The following IDO2 variants were observed in gnomAD, a reference collection of about 807,000 sequenced individuals.
IDO2 encodes indoleamine 2,3-dioxygenase 2.
A neutral mutation model predicts 45.1 loss-of-function variants in IDO2; 46 were observed. The observed-to-expected ratio is 1.02, with a 90% CI of 0.80 to 1.30. The LOEUF (loss-of-function observed/expected upper bound fraction) is 1.30, where lower values mean the gene tolerates loss of function less well. Among genes scored for constraint, IDO2 ranks in the 50% most tolerant of loss-of-function variants. IDO2 has a pLI of 0.00. For missense variants in IDO2, 544 were observed against 491.8 expected, an observed-to-expected ratio of 1.11 and a Z score of -1.00; for synonymous variants, 218 against 184.9, an observed-to-expected ratio of 1.18 and a Z score of -1.45.
At chr8:39,956,415 T>C (rs1807902870) in intron 2 of IDO2, among the ~76,000 whole-genome samples, 1 of 152,220 alleles carries the variant, frequency 6.6e-6, no homozygotes. Context: ...ATCTATCCGT[T>C]GATATAGCAT....
At chr8:39,978,922 G>T in intron 3 of IDO2, 145 bp from the exon 4 acceptor site, 1 of 707,348 alleles carries the variant, frequency 1.4e-6, no homozygotes, top group Non-Finnish European at 2.3e-6. Flanking sequence ...ATGGGTGTGT[G>T]TGCGGGCTCT....
chr8:39,944,607 A>G (rs1807704205), intron 1 of IDO2, among the ~76,000 whole-genome samples: 1 of 152,172 alleles, frequency 6.6e-6, no homozygotes, highest in Non-Finnish European at 1.5e-5. Context: ...AATTCACAGG[A>G]ATTCGTCTGA....
chr8:39,943,803 G>A (rs994711282), intron 1 of IDO2, among the ~76,000 whole-genome samples: 8 of 150,026 alleles, frequency 5.3e-5, no homozygotes, highest in Non-Finnish European at 1.2e-4. Context: ...ACAGTTGAAT[G>A]CTTTCGTCTA....
chr8:39,972,895 A>G (rs1479279380), intron 3 of IDO2, among the ~76,000 whole-genome samples: 2 of 152,220 alleles, frequency 1.3e-5, no homozygotes, highest in Admixed American at 6.5e-5. Flanking sequence ...ATTAAGGTAT[A>G]AAGTACTTTA....
chr8:39,978,087 T>G (rs1808288559), intron 3 of IDO2, among the ~76,000 whole-genome samples: 1 of 152,158 alleles, frequency 6.6e-6, no homozygotes, highest in Admixed American at 6.5e-5. Flanking sequence ...TGAGAGCTCA[T>G]TTTTGGGAGG....
intron 7 of IDO2, 83 bp from the exon 8 acceptor site, chr8:39,989,638 G>T (rs994276322): frequency 1.5e-5 from 14 of 938,964 alleles, no homozygotes; most frequent in Non-Finnish European, 2.3e-5. Context: ...TCCTCCCCTG[G>T]GTTCCAACAG....
intron 1 of IDO2, among the ~76,000 whole-genome samples, chr8:39,944,846 T>A (rs186668379): frequency 5.5e-4 from 84 of 152,322 alleles, no homozygotes; most frequent in African/African-American, 2.0e-3. Context: ...CGTCTCTCGG[T>A]CGCTGGCTAA....
chr8:39,981,932 G>A (rs930687724), intron 4 of IDO2, among the ~76,000 whole-genome samples: 19 of 152,060 alleles, frequency 1.2e-4, no homozygotes, highest in African/African-American at 4.3e-4. Context: ...AAGGTTGAAG[G>A]GGGTCTGTCC....
At chr8:39,936,268 T>C (rs1373743864) in intron 1 of IDO2, among the ~76,000 whole-genome samples, 1 of 152,182 alleles carries the variant, frequency 6.6e-6, no homozygotes, top group African/African-American at 2.4e-5. Context: ...GATTTTGAGG[T>C]CTGGTATTAT....
At chr8:39,986,278 T>G (rs1474030128) in intron 6 of IDO2, 1 of 152,232 alleles carries the variant, frequency 6.6e-6, no homozygotes, top group Non-Finnish European at 1.5e-5. Context: ...CCACACATCC[T>G]TAGGCTCCGC....
At chr8:39,949,883 G>A (rs1228045840) in intron 2 of IDO2, among the ~76,000 whole-genome samples, 1 of 152,198 alleles carries the variant, frequency 6.6e-6, no homozygotes, top group Non-Finnish European at 1.5e-5. Flanking sequence ...GGCAATTTCT[G>A]AGAAGGGGAA....
intron 2 of IDO2, among the ~76,000 whole-genome samples, chr8:39,955,265 T>C (rs1807875998): frequency 6.8e-6 from 1 of 147,138 alleles, no homozygotes; most frequent in African/African-American, 2.5e-5. Flanking sequence ...TTTTTTTTTT[T>C]TTTTTTGAAA....
intron 9 of IDO2, 41 bp from the exon 10 acceptor site, chr8:40,013,524 C>A (rs923750632): frequency 8.8e-6 from 14 of 1,586,254 alleles, no homozygotes; most frequent in Admixed American, 1.8e-5. Flanking sequence ...ACCATTACCT[C>A]CCTGCACCCC....
At chr8:40,016,213 C>G in exon 11 of IDO2, 1 of 398,006 alleles carries the variant, frequency 2.5e-6, no homozygotes, top group Non-Finnish European at 4.4e-6. Flanking sequence ...CACGTGGTAC[C>G]TAGATTTGCA....
chr8:40,010,751 G>A (rs1410017083), intron 9 of IDO2, among the ~76,000 whole-genome samples: 1 of 152,142 alleles, frequency 6.6e-6, no homozygotes, highest in Non-Finnish European at 1.5e-5. Context: ...GAAGACTATA[G>A]GAGGAACAGG....
At chr8:40,012,505 T>C (rs1211453994) in intron 9 of IDO2, among the ~76,000 whole-genome samples, 2 of 151,946 alleles carry the variant, frequency 1.3e-5, no homozygotes, top group Non-Finnish European at 2.9e-5. Context: ...ACACAAGAGG[T>C]CAAATGAGAA....
exon 11 of IDO2, chr8:40,016,180 A>G (rs776420911): frequency 4.3e-5 from 17 of 397,494 alleles, no homozygotes; most frequent in Non-Finnish European, 7.1e-5. Context: ...GCAGTTAATG[A>G]TATGGGAACG....
chr8:40,007,798 C>T (rs1044101798), intron 9 of IDO2, among the ~76,000 whole-genome samples: 46 of 152,192 alleles, frequency 3.0e-4, no homozygotes, highest in Non-Finnish European at 3.7e-4. Context: ...GCAAGCTCAA[C>T]TGACTTTTCC....
chr8:39,955,935 T>C (rs1807884908), intron 2 of IDO2, among the ~76,000 whole-genome samples: 2 of 152,238 alleles, frequency 1.3e-5, no homozygotes, highest in Admixed American at 6.5e-5. Flanking sequence ...CTCAATTTTG[T>C]GACATCTTCA....
Sources: gnomAD v4.1 joint callset for allele counts (sites outside exome capture counted in the v4.1 genomes callset) on GRCh38, gnomAD v4.1.1 for gene constraint, MANE v1.5 for transcripts, NCBI Gene and HGNC (gene_info 2026-07-23, HGNC 2026-07-21) for gene names.